The following OBSL1 variants were observed in gnomAD, a reference collection of about 807,000 sequenced individuals.
OBSL1 encodes obscurin like cytoskeletal adaptor 1, also known as obscurin-like protein 1.
OBSL1 carries 160 observed loss-of-function variants against 172.0 expected under a neutral mutation model. That is an observed-to-expected ratio of 0.93 (90% CI 0.82 to 1.06). OBSL1 has a LOEUF of 1.06. OBSL1 is among the 50% of genes least tolerant of loss of function. The pLI is 0.00. For missense variants in OBSL1, 2,681 were observed against 2,715.4 expected (o/e 0.99, Z 0.28); for synonymous variants, 1,200 against 1,196.3 (o/e 1.00, Z -0.06).
chr2:219,553,987 A>G (rs1695823280), intron 15 of OBSL1, among the ~76,000 whole-genome samples: 1 of 151,490 alleles, frequency 6.6e-6, no homozygotes, highest in African/African-American at 2.4e-5. Context: ...ATGCCAGTGG[A>G]GTGGTCAGTG....
downstream of OBSL1, chr2:219,550,696 G>GCC: frequency 8.4e-7 from 1 of 1,186,672 alleles, no homozygotes. Context: ...GGCAAGGTCT[G>GCC]CCCCCCCACA....
Position 219,550,822 on chromosome 2 carries a change from T to C in OBSL1, c.*13A>G. On this transcript the variant is annotated 3_prime_UTR_variant, in exon 21 of 21. Transcript: ENST00000404537. ...GCTGTCCAAGGGCACCCGCCTGGCCTGGTTAGGTTCTCCTAGTTGCCTGCA... is the reference window on the plus strand; with the variant it reads ...GCTGTCCAAGGGCACCCGCCTGGCCCGGTTAGGTTCTCCTAGTTGCCTGCA... 6.2e-7 allele frequency: 1 copy of C among 1,611,540 alleles called. No individual in the cohort carries two copies. The highest frequency in any genetic ancestry group is 8.5e-7 in the Non-Finnish European group (1 of 1,178,934).
At chr2:219,565,194 C>T (rs1304270944) in intron 6 of OBSL1, 48 bp downstream of exon 6, 4 of 1,548,482 alleles carry the variant, frequency 2.6e-6, no homozygotes, top group Admixed American at 3.8e-5. Flanking sequence ...TTATGCGGCC[C>T]CACAATCAGC....
At chr2:219,562,125 C>T (rs1229738398) in intron 8 of OBSL1, 1 of 683,834 alleles carries the variant, frequency 1.5e-6, no homozygotes, top group Non-Finnish European at 2.7e-6. Context: ...AGAATAGGGA[C>T]CGTATTTGCA....
Position 219,552,621 on chromosome 2 carries a change from G to T in OBSL1, c.5223C>A (p.Thr1741=). The T allele has an allele frequency of 1.3e-6, 2 of 1,570,550 alleles. No homozygotes were observed. The highest frequency in any genetic ancestry group is 2.3e-5 in the East Asian group (1 of 43,118). ...GCCCCGTGGTCTCGACCTCCGACACGGTGCACTCGAACGTAGCGCCGTCGC... is the reference window on the plus strand; with the variant it reads ...GCCCCGTGGTCTCGACCTCCGACACTGTGCACTCGAACGTAGCGCCGTCGC... ...REGDGATFEC[T]VSEVETTGRW... is the part of the protein sequence containing the mutation. The change falls in exon 18 of 21, where the codon ACC becomes ACA. Residue 1741 remains threonine, a synonymous_variant. Coordinates refer to ENST00000404537, the MANE Select transcript of OBSL1 (RefSeq NM_015311.3).
downstream of OBSL1, chr2:219,550,063 C>CGGGGTGTGAACCCCATT: frequency 1.6e-6 from 1 of 634,174 alleles, no homozygotes; most frequent in Non-Finnish European, 2.6e-6. Flanking sequence ...CTGAGGAACT[C>CGGGGTGTGAACCCCATT]GGGGTGTGAA....
chr2:219,561,886 A>G (rs1406867635), intron 8 of OBSL1: 2 of 717,142 alleles, frequency 2.8e-6, no homozygotes, highest in East Asian at 5.4e-5. Flanking sequence ...GGCAGCTGCT[A>G]CTCAGTGCCA....
chr2:219,558,138 A>C (rs189357800), intron 10 of OBSL1, 28 bp from the exon 11 acceptor site: 3 of 1,611,310 alleles, frequency 1.9e-6, no homozygotes, highest in Non-Finnish European at 2.5e-6. Context: ...GTGTCATCCC[A>C]TGCTTGCCCT....
At chr2:219,555,911 T>C in intron 14 of OBSL1, 109 bp downstream of exon 14, 1 of 1,502,246 alleles carries the variant, frequency 6.7e-7, no homozygotes, top group Non-Finnish European at 8.9e-7. Flanking sequence ...ATGGGTGACT[T>C]TTCTCAGCGA....
Position 219,564,667 on chromosome 2 carries a change from C to T in OBSL1, c.2407+575G>A, listed in dbSNP as rs115679927. Among the ~76,000 whole-genome samples the T allele has an allele frequency of 1.8e-3, 271 of 152,294 alleles. 1 individual carries two copies. The highest frequency in any genetic ancestry group is 6.1e-3 in the African/African-American group (254 of 41,574). ...GTTTAGGAGGCAAAGGCACGCTGTG[C>T]GTGGCACACACCTATAATCCCAGCT... On this transcript the variant is annotated intron_variant, in intron 6 of 20. Coordinates refer to ENST00000404537, the MANE Select transcript of OBSL1 (RefSeq NM_015311.3).
Position 219,570,928 on chromosome 2 carries a change from A to C in OBSL1, c.305T>G (p.Leu102Arg). 2 of 1,284,546 alleles carry C rather than the reference A, an allele frequency of 1.6e-6. No individual in the cohort carries two copies. The highest frequency in any genetic ancestry group is 5.6e-5 in the South Asian group (2 of 35,986). 79.6% of individuals were successfully genotyped at this position (1,284,546 alleles called of 1,614,324 possible). A position where few individuals can be genotyped will look rare whatever the true frequency, so the allele number is the denominator to read the frequency against. ...CTCGGGGTCGGAGGCCGGCGGCTCC[A>C]GCACGGTGACGGCGGCCGCCGCGTA... is the stretch of plus-strand genomic sequence containing the variant. The part of the protein sequence containing the change: ...EAYAAAAVTV[L>R]EPPASDPELQ... Residue 102 changes from leucine (L) to arginine (R), a missense_variant, in exon 1 of 21, where the codon CTG (leucine) becomes CGG (arginine). By Grantham distance (102) the Leu-to-Arg change is moderately radical (BLOSUM62 -2). Around this residue, in one of 5 missense-constraint regions of OBSL1, gnomAD observed 67 missense variants for 109.3 expected, o/e 0.61. Transcript: ENST00000404537.
At chr2:219,563,083 T>C (rs1696614606) in intron 7 of OBSL1, 4 of 506,802 alleles carry the variant, frequency 7.9e-6, no homozygotes, top group East Asian at 3.0e-5. Context: ...TACCCTGCAA[T>C]AGACTCACTG....
chr2:219,560,352 G>C (rs1050734278), intron 8 of OBSL1, among the ~76,000 whole-genome samples: 3 of 152,130 alleles, frequency 2.0e-5, no homozygotes, highest in African/African-American at 7.2e-5. Context: ...TGCATTCAAC[G>C]TCTGTCTGAG....
chr2:219,551,059 G>A (rs1264605208), intron 20 of OBSL1: 1 of 1,429,242 alleles, frequency 7.0e-7, no homozygotes, highest in Non-Finnish European at 9.1e-7. Context: ...TGGGATTTGG[G>A]ATAGAAGGTG....
intron 18 of OBSL1, 104 bp from the exon 19 acceptor site, chr2:219,552,320 G>C: frequency 9.0e-7 from 1 of 1,105,500 alleles, no homozygotes; most frequent in African/African-American, 1.6e-5. Context: ...GACGCCGTTA[G>C]TGTATGCTAG....
intron 1 of OBSL1, chr2:219,569,290 C>G (rs981170194): frequency 6.6e-6 from 1 of 152,136 alleles, no homozygotes; most frequent in African/African-American, 2.4e-5. Flanking sequence ...AGGCCACCAC[C>G]GCAGCCTGGG....
chr2:219,557,728 C>A, intron 11 of OBSL1, 95 bp downstream of exon 11: 1 of 1,537,284 alleles, frequency 6.5e-7, no homozygotes, highest in Non-Finnish European at 8.7e-7. Context: ...CAGGGATGGG[C>A]AAGGCATGCT....
chr2:219,562,538 C>T lies in OBSL1; in HGVS notation c.2817G>A (p.Val939=), dbSNP rs558191826. The change falls in exon 8 of 21, where the codon GTG becomes GTA. Residue 939 remains valine, a synonymous_variant. Transcript: ENST00000404537. ...VRWTKDGEEV[V]ESPALLLQKE... is the part of the protein sequence containing the mutation. ...TCTGCAGGAGCAGCGCGGGGCTCTC[C>T]ACCACCTCCTCTCCATCCTTGGTCC... The T allele has an allele frequency of 9.9e-6, 16 of 1,613,942 alleles. No individual in the cohort carries two copies. In the East Asian group the frequency reaches 1.6e-4, roughly 16 times the overall value.
rs1183747066 is a variant in OBSL1, at chr2:219,567,386, A to G, written c.1724T>C (p.Val575Ala). The change falls in exon 4 of 21, where the codon GTG becomes GCG. Residue 575 changes from valine (V) to alanine (A), a missense_variant. Val to Ala is a moderately conservative substitution (Grantham distance 64, BLOSUM62 0). Around this residue, in one of 5 missense-constraint regions of OBSL1, gnomAD observed 706 missense variants for 695.8 expected, o/e 1.01. Coordinates refer to ENST00000404537, the MANE Select transcript of OBSL1 (RefSeq NM_015311.3). ...GGGCACACAGTCGCCCGGCACCTCC[A>G]CGGCTCCGGCTTTCTCGATGCTGAA... The part of the protein sequence containing the change: ...QCFSIEKAGA[V>A]EVPGDCVPSE... 3 of 1,612,986 alleles carry G rather than the reference A, an allele frequency of 1.9e-6. No individual in the cohort carries two copies. The highest frequency in any genetic ancestry group is 2.5e-6 in the Non-Finnish European group (3 of 1,179,468).
Sources: allele counts gnomAD v4.1 joint callset (sites outside exome capture counted in the v4.1 genomes callset), GRCh38; gene constraint gnomAD v4.1.1; regional missense constraint gnomAD v4.1.1; transcripts MANE v1.5; gene names NCBI Gene and HGNC (gene_info 2026-07-23, HGNC 2026-07-21).